SORBS2: variants seen among roughly 807,000 people sequenced by gnomAD.
The protein encoded by SORBS2 is sorbin and SH3 domain-containing protein 2.
SORBS2 carries 46 observed loss-of-function variants against 97.7 expected under a neutral mutation model. That is an observed-to-expected ratio of 0.47 (90% CI 0.37 to 0.60). SORBS2 has a LOEUF of 0.60. Among genes scored for constraint, SORBS2 ranks in the 20% least tolerant of loss-of-function variants. The pLI, the probability that SORBS2 is intolerant of heterozygous loss-of-function variation, is 0.00. For synonymous variants in SORBS2, 476 were observed against 473.4 expected (o/e 1.01, Z -0.07); for missense variants, 1,316 against 1,282.3 (o/e 1.03, Z -0.40).
intron 1 of SORBS2, among the ~76,000 whole-genome samples, chr4:185,947,006 C>T (rs1315564983): frequency 6.6e-6 from 1 of 152,214 alleles, no homozygotes; most frequent in Non-Finnish European, 1.5e-5. Context: ...CACCTCCTCC[C>T]ATCAATTTCT....
intron 11 of SORBS2, among the ~76,000 whole-genome samples, chr4:185,612,646 G>T (rs1338013347): frequency 6.6e-6 from 1 of 151,810 alleles, no homozygotes; most frequent in South Asian, 2.1e-4. Flanking sequence ...CCGCCACCAG[G>T]CCCGGCTAAT....
chr4:185,802,796 GATTTT>G (rs1440836998), intron 1 of SORBS2, among the ~76,000 whole-genome samples: 1 of 152,122 alleles, frequency 6.6e-6, no homozygotes, highest in African/African-American at 2.4e-5. Context: ...ATGAAATTCT[GATTTT>G]ATTTCCCAAG....
intron 2 of SORBS2, among the ~76,000 whole-genome samples, chr4:185,744,409 T>C (rs931881852): frequency 1.3e-5 from 2 of 152,222 alleles, no homozygotes; most frequent in Non-Finnish European, 2.9e-5. Flanking sequence ...TACTCTAGTC[T>C]ACAGTGTACT....
intron 2 of SORBS2, among the ~76,000 whole-genome samples, chr4:185,697,144 TC>T (rs1031372560): frequency 7.9e-5 from 12 of 152,270 alleles, no homozygotes; most frequent in Non-Finnish European, 1.3e-4. Flanking sequence ...TATCATCGAC[TC>T]CCCCGCTAGA....
At chr4:185,646,864 C>T (rs2097216241) in intron 3 of SORBS2, 82 bp from the exon 13 acceptor site, 5 of 817,212 alleles carry the variant, frequency 6.1e-6, no homozygotes, top group Middle Eastern at 2.3e-4. Context: ...CTGTTTTCAA[C>T]ATTACTTTTA....
intron 1 of SORBS2, among the ~76,000 whole-genome samples, chr4:185,929,660 C>T (rs1237464512): frequency 6.6e-6 from 1 of 151,776 alleles, no homozygotes; most frequent in African/African-American, 2.4e-5. Context: ...CTCAGCCTCC[C>T]GAATAGCTGG....
At chr4:185,806,694 G>A (rs1368813858) in intron 1 of SORBS2, among the ~76,000 whole-genome samples, 2 of 151,842 alleles carry the variant, frequency 1.3e-5, no homozygotes, top group African/African-American at 2.4e-5. Context: ...TCCTGACCTC[G>A]TGATCCGCCC....
At chr4:185,823,099 A>C (rs1422457902) in intron 1 of SORBS2, among the ~76,000 whole-genome samples, 1 of 151,892 alleles carries the variant, frequency 6.6e-6, no homozygotes, top group African/African-American at 2.4e-5. Flanking sequence ...ATACGTACTG[A>C]CTCTTCCCCT....
intron 2 of SORBS2, among the ~76,000 whole-genome samples, chr4:185,730,057 AT>A (rs2098603060): frequency 6.6e-6 from 1 of 151,996 alleles, no homozygotes; most frequent in Non-Finnish European, 1.5e-5. Context: ...GGTTCACGCC[AT>A]TCTCCTGCCT....
Position 185,886,569 on chromosome 4 carries a change from A to AAG in SORBS2, c.-338+69626_-338+69627insCT, listed in dbSNP as rs1554046518. Among the ~76,000 whole-genome samples, 29 of 137,726 alleles carry AAG rather than the reference A, an allele frequency of 2.1e-4. 1 individual carries two copies. Among genetic ancestry groups the AAG allele is most frequent in the Non-Finnish European group, 3.3e-4 (21 of 63,444 alleles). 90.4% of individuals were successfully genotyped at this position (137,726 alleles called of 152,430 possible). On this transcript the variant is annotated intron_variant, in intron 1 of 20. Coordinates refer to the SORBS2 transcript ENST00000284776. ...GACTCTGTCTCAAAAAAAAAAAAAAAAAAAGAAAAGAAAAAAAAAAGAAAA... is the reference window on the plus strand; with the variant it reads ...GACTCTGTCTCAAAAAAAAAAAAAAAAGAAAAGAAAAGAAAAAAAAAAGAAAA...
intron 1 of SORBS2, among the ~76,000 whole-genome samples, chr4:185,879,265 C>T (rs35816161): frequency 2.7e-5 from 4 of 146,856 alleles, no homozygotes; most frequent in Non-Finnish European, 4.4e-5. Context: ...TGAGAACATG[C>T]GGTGTTTGGT....
At chr4:185,686,296 A>T (rs1398172819) in intron 2 of SORBS2, among the ~76,000 whole-genome samples, 2 of 152,178 alleles carry the variant, frequency 1.3e-5, no homozygotes. Flanking sequence ...ATTTTTCATA[A>T]AATTTATAAA....
chr4:185,808,704 G>A (rs2153664904), intron 1 of SORBS2, among the ~76,000 whole-genome samples: 1 of 152,274 alleles, frequency 6.6e-6, no homozygotes, highest in Non-Finnish European at 1.5e-5. Context: ...TGCTGCCATT[G>A]TAGACTTCAT....
chr4:185,762,238 A>G (rs1176557752), intron 2 of SORBS2, among the ~76,000 whole-genome samples: 2 of 152,188 alleles, frequency 1.3e-5, no homozygotes, highest in African/African-American at 4.8e-5. Flanking sequence ...CACCATCGTC[A>G]AGATCCAGCC....
chr4:185,605,383 A>C (rs2096385393), intron 12 of SORBS2, among the ~76,000 whole-genome samples: 1 of 152,196 alleles, frequency 6.6e-6, no homozygotes, highest in East Asian at 1.9e-4. Context: ...CCCGGTTTGA[A>C]GCAGTTCTCC....
chr4:185,864,088 C>A (rs1451488952), intron 1 of SORBS2, among the ~76,000 whole-genome samples: 1 of 152,146 alleles, frequency 6.6e-6, no homozygotes, highest in African/African-American at 2.4e-5. Flanking sequence ...TTTTAACTCT[C>A]TTATCAATAA....
At position 185,868,219 on chromosome 4, in the gene SORBS2, C is replaced by T. The variant is rs181013619; in HGVS notation, c.-338+87977G>A. Among the ~76,000 whole-genome samples the T allele has an allele frequency of 2.6e-3, 334 of 130,564 alleles. 1 individual carries two copies. Among genetic ancestry groups the T allele is most frequent in the Non-Finnish European group, 3.9e-3 (253 of 64,482 alleles). 85.7% of individuals were successfully genotyped at this position (130,564 alleles called of 152,430 possible). A position where few individuals can be genotyped will look rare whatever the true frequency, so the allele number is the denominator to read the frequency against. Reference sequence around the variant, plus strand: ...TCACCCAGGCTGGAGTGCAGTGGCACGATCTTGGCTCACTGCAACTTCCGC... The same window carrying T: ...TCACCCAGGCTGGAGTGCAGTGGCATGATCTTGGCTCACTGCAACTTCCGC... On this transcript the variant is annotated intron_variant, in intron 1 of 20. Coordinates refer to the SORBS2 transcript ENST00000284776.
chr4:185,640,244 C>G (rs1389597193), intron 4 of SORBS2, among the ~76,000 whole-genome samples: 1 of 152,028 alleles, frequency 6.6e-6, no homozygotes, highest in African/African-American at 2.4e-5. Context: ...AATGAGATAC[C>G]AAGCAGTCAA....
At chr4:185,691,994 G>C (rs1034674984) in intron 2 of SORBS2, among the ~76,000 whole-genome samples, 3 of 152,170 alleles carry the variant, frequency 2.0e-5, no homozygotes, top group Admixed American at 2.0e-4. Context: ...TGATCCGCCC[G>C]CCTCGGCCTC....
Sources: gnomAD v4.1 joint callset for allele counts (sites outside exome capture counted in the v4.1 genomes callset) on GRCh38, gnomAD v4.1.1 for gene constraint, MANE v1.5 for transcripts, NCBI Gene and HGNC (gene_info 2026-07-23, HGNC 2026-07-21) for gene names.